The following RRAS2 variants were observed in gnomAD, a reference collection of about 807,000 sequenced individuals.
RRAS2 encodes the protein RAS related 2.
RRAS2 carries 7 observed loss-of-function variants against 27.6 expected under a neutral mutation model. The observed-to-expected ratio is 0.25, with a 90% CI of 0.14 to 0.48. The LOEUF is 0.48. Ranked by LOEUF, RRAS2 falls within the 20% of genes least tolerant of loss-of-function variation. RRAS2 has a pLI of 0.99. For synonymous variants in RRAS2, 86 were observed against 90.9 expected, an observed-to-expected ratio of 0.95 and a Z score of 0.31; for missense variants, 178 against 256.2, an observed-to-expected ratio of 0.69 and a Z score of 2.08.
intron 1 of RRAS2, among the ~76,000 whole-genome samples, chr11:14,299,964 G>A (rs375385277): frequency 1.9e-4 from 29 of 152,252 alleles, no homozygotes; most frequent in African/African-American, 5.8e-4. Flanking sequence ...AAAGAAAACA[G>A]TCTCTCTCCT....
intron 1 of RRAS2, among the ~76,000 whole-genome samples, chr11:14,304,413 GT>G (rs1372697456): frequency 6.6e-6 from 1 of 152,192 alleles, no homozygotes; most frequent in Admixed American, 6.5e-5. Flanking sequence ...TGGGCTACAT[GT>G]GCAAAACCAG....
chr11:14,306,657 C>T (rs1847836732), intron 1 of RRAS2, among the ~76,000 whole-genome samples: 1 of 152,096 alleles, frequency 6.6e-6, no homozygotes, highest in Non-Finnish European at 1.5e-5. Context: ...TTGTACTAGC[C>T]TCCCACTAGG....
intron 1 of RRAS2, among the ~76,000 whole-genome samples, chr11:14,321,536 G>A (rs1554950281): frequency 6.6e-6 from 1 of 152,150 alleles, no homozygotes; most frequent in African/African-American, 2.4e-5. Context: ...GGGGAGAGCA[G>A]GGAAGCTGTT....
At chr11:14,308,994 A>C (rs1554948473) in intron 1 of RRAS2, among the ~76,000 whole-genome samples, 1 of 152,182 alleles carries the variant, frequency 6.6e-6, no homozygotes, top group African/African-American at 2.4e-5. Context: ...ATTGTTAAGT[A>C]CTCAGTACAC....
intron 1 of RRAS2, among the ~76,000 whole-genome samples, chr11:14,319,882 A>G (rs1301636009): frequency 2.0e-5 from 3 of 152,244 alleles, no homozygotes; most frequent in Non-Finnish European, 4.4e-5. Flanking sequence ...ATAAGATTAT[A>G]ATTCCAGTTT....
At chr11:14,317,446 G>A (rs566587742) in intron 1 of RRAS2, among the ~76,000 whole-genome samples, 1 of 152,272 alleles carries the variant, frequency 6.6e-6, no homozygotes, top group Admixed American at 6.5e-5. Flanking sequence ...CAGGTGTGGT[G>A]GTGGGTGCCT....
intron 4 of RRAS2, among the ~76,000 whole-genome samples, chr11:14,283,965 T>C (rs918019657): frequency 1.6e-4 from 25 of 152,136 alleles, no homozygotes; most frequent in African/African-American, 5.8e-4. Context: ...TCCCAAAGTG[T>C]TGGCATTACA....
intron 1 of RRAS2, among the ~76,000 whole-genome samples, chr11:14,313,021 G>A (rs782022507): frequency 1.4e-4 from 21 of 152,146 alleles, no homozygotes; most frequent in Non-Finnish European, 2.6e-4. Flanking sequence ...CATTCTACCA[G>A]CAATTCTGTT....
At chr11:14,287,796 C>T (rs1277123084) in intron 4 of RRAS2, among the ~76,000 whole-genome samples, 4 of 149,094 alleles carry the variant, frequency 2.7e-5, no homozygotes, top group Non-Finnish European at 4.4e-5. Context: ...TGCTTGAACC[C>T]GGGAGGTGGA....
At chr11:14,305,820 G>C (rs985979619) in intron 1 of RRAS2, among the ~76,000 whole-genome samples, 1 of 152,114 alleles carries the variant, frequency 6.6e-6, no homozygotes, top group African/African-American at 2.4e-5. Context: ...TAAGGCAAGA[G>C]GATCACTTGA....
chr11:14,319,582 T>C (rs1848183507), intron 1 of RRAS2, among the ~76,000 whole-genome samples: 1 of 151,704 alleles, frequency 6.6e-6, no homozygotes, highest in African/African-American at 2.4e-5. Flanking sequence ...ATGGTCTCGA[T>C]CTCCTGACCT....
intron 1 of RRAS2, among the ~76,000 whole-genome samples, chr11:14,312,489 G>C (rs189034466): frequency 5.3e-5 from 8 of 152,064 alleles, no homozygotes; most frequent in Admixed American, 5.2e-4. Flanking sequence ...GCCCGATCAC[G>C]GCTTACTGCT....
intron 4 of RRAS2, among the ~76,000 whole-genome samples, chr11:14,292,240 C>T (rs1384942174): frequency 1.3e-5 from 2 of 152,110 alleles, no homozygotes; most frequent in Non-Finnish European, 2.9e-5. Context: ...AGTGGGCATA[C>T]ACCCTCCTCC....
intron 1 of RRAS2, among the ~76,000 whole-genome samples, chr11:14,328,622 A>G (rs1848417986): frequency 6.6e-6 from 1 of 152,164 alleles, no homozygotes; most frequent in Non-Finnish European, 1.5e-5. Context: ...TATACATGAC[A>G]CAAAGTAATG....
intron 1 of RRAS2, among the ~76,000 whole-genome samples, chr11:14,354,090 G>C (rs1849021233): frequency 6.6e-6 from 1 of 152,208 alleles, no homozygotes. Flanking sequence ...ACCTTCACAT[G>C]TGGATCAATT....
intron 1 of RRAS2, among the ~76,000 whole-genome samples, chr11:14,309,892 TCTGA>T (rs1395740165): frequency 1.3e-5 from 2 of 152,346 alleles, no homozygotes; most frequent in East Asian, 1.9e-4. Flanking sequence ...AATAAAATGT[TCTGA>T]CTTTCATATG....
chr11:14,326,033 T>C (rs1554950967), intron 1 of RRAS2, among the ~76,000 whole-genome samples: 1 of 152,204 alleles, frequency 6.6e-6, no homozygotes, highest in African/African-American at 2.4e-5. Flanking sequence ...TTTAAGAATA[T>C]TACAGAATAG....
At chr11:14,353,612 G>C (rs1849011822) in intron 1 of RRAS2, among the ~76,000 whole-genome samples, 1 of 149,452 alleles carries the variant, frequency 6.7e-6, no homozygotes, top group Non-Finnish European at 1.5e-5. Context: ...AAAAAAAAGT[G>C]TCCCCACTCA....
chr11:14,292,589 AC>A (rs1318241194), intron 4 of RRAS2, among the ~76,000 whole-genome samples: 3 of 152,186 alleles, frequency 2.0e-5, no homozygotes, highest in African/African-American at 7.2e-5. Flanking sequence ...TTAAAAAAAA[AC>A]AAAATTAAAT....
Sources: gnomAD v4.1 joint callset for allele counts (sites outside exome capture counted in the v4.1 genomes callset) on GRCh38, gnomAD v4.1.1 for gene constraint, MANE v1.5 for transcripts, NCBI Gene and HGNC (gene_info 2026-07-23, HGNC 2026-07-21) for gene names.